SPATS2: variants seen among roughly 807,000 people sequenced by gnomAD.
SPATS2 encodes spermatogenesis associated serine rich 2, also known as spermatogenesis-associated serine-rich protein 2.
Under a neutral mutation model 63.7 loss-of-function variants are expected in SPATS2, and 38 were observed. The ratio of observed to expected loss-of-function variants is 0.60; its 90% CI spans 0.46 to 0.78. The LOEUF (loss-of-function observed/expected upper bound fraction) is 0.78. Ranked by LOEUF, SPATS2 falls within the 30% of genes least tolerant of loss-of-function variation. The probability of loss-of-function intolerance (pLI) is 0.00; values close to 1 mark genes in which losing one functional copy is unlikely to be tolerated. For synonymous variants in SPATS2, 207 were observed against 232.9 expected, an observed-to-expected ratio of 0.89 and a Z score of 1.01; for missense variants, 588 against 666.2, an observed-to-expected ratio of 0.88 and a Z score of 1.29.
chr12:49,367,343 C>T (rs1943915531), upstream of SPATS2: 4 of 388,254 alleles, frequency 1.0e-5, no homozygotes, highest in South Asian at 1.3e-4. Context: ...GGGCGAGGGT[C>T]GGGGTGATCT....
At chr12:49,436,747 A>C (rs1481531636) in intron 2 of SPATS2, among the ~76,000 whole-genome samples, 669 of 66,774 alleles carry the variant, frequency 0.01, no homozygotes, top group African/African-American at 0.014. Flanking sequence ...ACCCCCCCAC[A>C]TCCTTCCCGG....
At chr12:49,399,846 G>T (rs1331811197) in intron 2 of SPATS2, among the ~76,000 whole-genome samples, 2 of 152,148 alleles carry the variant, frequency 1.3e-5, no homozygotes, top group Non-Finnish European at 2.9e-5. Flanking sequence ...GACCATCCTG[G>T]CTAATGTGTT....
intron 11 of SPATS2, among the ~76,000 whole-genome samples, chr12:49,520,479 G>A (rs1400732562): frequency 6.6e-6 from 1 of 152,014 alleles, no homozygotes; most frequent in African/African-American, 2.4e-5. Context: ...CTCATTCTGT[G>A]GTTTCAGAGC....
At chr12:49,490,098 C>A (rs1946359281) in intron 5 of SPATS2, 2 of 153,058 alleles carry the variant, frequency 1.3e-5, no homozygotes, top group Non-Finnish European at 2.9e-5. Context: ...ACCTTCCTTC[C>A]ATGTAACCTG....
chr12:49,448,451 T>C (rs1490153975), intron 2 of SPATS2, among the ~76,000 whole-genome samples: 2 of 152,136 alleles, frequency 1.3e-5, no homozygotes, highest in Non-Finnish European at 2.9e-5. Context: ...TATGTTTTTA[T>C]TTTCTTTCAG....
chr12:49,403,649 C>T (rs1944647600), intron 2 of SPATS2, among the ~76,000 whole-genome samples: 1 of 143,586 alleles, frequency 7.0e-6, no homozygotes, highest in Non-Finnish European at 1.5e-5. Context: ...ACAAACAAAA[C>T]TGGAATTCTC....
intron 6 of SPATS2, among the ~76,000 whole-genome samples, chr12:49,491,898 G>A (rs1257015294): frequency 6.6e-6 from 1 of 152,136 alleles, no homozygotes; most frequent in Admixed American, 6.6e-5. Flanking sequence ...TTGAAGTATG[G>A]ATTTTAATCA....
chr12:49,469,227 GTC>G, intron 3 of SPATS2, among the ~76,000 whole-genome samples: 1 of 149,404 alleles, frequency 6.7e-6, no homozygotes, highest in South Asian at 2.1e-4. Flanking sequence ...GTGAAACCCA[GTC>G]TCTACCAAAA....
chr12:49,401,965 T>TATTG (rs762636690), intron 2 of SPATS2, among the ~76,000 whole-genome samples: 4 of 152,072 alleles, frequency 2.6e-5, no homozygotes, highest in African/African-American at 9.7e-5. Context: ...GTTTTTGTTT[T>TATTG]ATTGATTGAT....
intron 2 of SPATS2, among the ~76,000 whole-genome samples, chr12:49,381,558 TTTAA>T (rs1237738032): frequency 6.6e-6 from 1 of 152,246 alleles, no homozygotes; most frequent in African/African-American, 2.4e-5. Flanking sequence ...ATTATCAATG[TTTAA>T]TTAATTCCTA....
intron 2 of SPATS2, among the ~76,000 whole-genome samples, chr12:49,431,280 G>T (rs1356285929): frequency 6.6e-6 from 1 of 150,586 alleles, no homozygotes; most frequent in Middle Eastern, 3.4e-3. Flanking sequence ...GTGGAGCCTC[G>T]CTCTGTCGCC....
chr12:49,519,814 A>ATTT (rs113683730), intron 11 of SPATS2, among the ~76,000 whole-genome samples: 1 of 136,330 alleles, frequency 7.3e-6, no homozygotes, highest in Non-Finnish European at 1.6e-5. Flanking sequence ...AGTTACCACT[A>ATTT]TTTTTTTTTT....
intron 2 of SPATS2, among the ~76,000 whole-genome samples, chr12:49,373,844 A>T (rs1233898125): frequency 6.6e-6 from 1 of 152,138 alleles, no homozygotes; most frequent in Non-Finnish European, 1.5e-5. Context: ...GCTTGAACCC[A>T]GGAAGCAGAG....
At chr12:49,521,513 G>A (rs984096525) in intron 11 of SPATS2, among the ~76,000 whole-genome samples, 15 of 151,738 alleles carry the variant, frequency 9.9e-5, no homozygotes, top group Admixed American at 7.9e-4. Context: ...GGGAGAAGCC[G>A]GAAACCCCTT....
intron 2 of SPATS2, among the ~76,000 whole-genome samples, chr12:49,381,183 G>A (rs113011786): frequency 0.054 from 8,269 of 152,156 alleles, 318 homozygotes; most frequent in Non-Finnish European, 0.077. Context: ...TTGGCCATTC[G>A]TATATCTTCT....
In SPATS2 at chr12:49,478,310, C is replaced by T. The variant is rs189545054; in HGVS notation, c.26-6280C>T. ...TTTAGTTGTGAAGTTCTGAATAGGCCTTAAGTACTAATTCTTGTGACAATA... is the reference window on the plus strand; with the variant it reads ...TTTAGTTGTGAAGTTCTGAATAGGCTTTAAGTACTAATTCTTGTGACAATA... On this transcript the variant is annotated intron_variant, in intron 3 of 13. Transcript: ENST00000552918. Among the ~76,000 whole-genome samples the T allele has an allele frequency of 3.8e-3, 584 of 152,192 alleles. 4 individuals are homozygous for T. Among genetic ancestry groups the T allele is most frequent in the Non-Finnish European group, 6.5e-3 (445 of 68,006 alleles).
intron 2 of SPATS2, among the ~76,000 whole-genome samples, chr12:49,396,620 T>G (rs1944516535): frequency 6.6e-6 from 1 of 152,232 alleles, no homozygotes; most frequent in African/African-American, 2.4e-5. Context: ...AATTTAGATC[T>G]CACATCTGTG....
At chr12:49,469,411 AAAG>A in intron 3 of SPATS2, 3 of 239,268 alleles carry the variant, frequency 1.3e-5, no homozygotes, top group Admixed American at 5.3e-5. Flanking sequence ...AAAAAAAAAA[AAAG>A]CCAGGCATGG....
At chr12:49,491,032 T>C (rs1231884395) in intron 6 of SPATS2, 1 of 210,188 alleles carries the variant, frequency 4.8e-6, no homozygotes, top group Non-Finnish European at 9.5e-6. Context: ...TAATCCCAGT[T>C]ACTCAGGAGG....
Sources: gnomAD v4.1 joint callset for allele counts (sites outside exome capture counted in the v4.1 genomes callset) on GRCh38, gnomAD v4.1.1 for gene constraint, MANE v1.5 for transcripts, NCBI Gene and HGNC (gene_info 2026-07-23, HGNC 2026-07-21) for gene names.